The following NCKAP5 variants were observed in gnomAD, a reference collection of about 807,000 sequenced individuals.
NCKAP5 encodes the protein nck-associated protein 5.
A neutral mutation model predicts 167.0 loss-of-function variants in NCKAP5; 92 were observed. The observed-to-expected ratio is 0.55, with a 90% CI of 0.47 to 0.66. The LOEUF (loss-of-function observed/expected upper bound fraction) is 0.66, where lower values mean the gene tolerates loss of function less well. NCKAP5 is among the 30% of genes least tolerant of loss of function. NCKAP5 has a pLI of 0.00. For missense variants in NCKAP5, 2,378 were observed against 2,315.0 expected, an observed-to-expected ratio of 1.03 and a Z score of -0.56; for synonymous variants, 891 against 877.4, an observed-to-expected ratio of 1.02 and a Z score of -0.27.
At chr2:133,255,533 T>C (rs915629221) in intron 4 of NCKAP5, among the ~76,000 whole-genome samples, 14 of 152,038 alleles carry the variant, frequency 9.2e-5, no homozygotes, top group Non-Finnish European at 1.5e-5. Flanking sequence ...TGTGTACAAA[T>C]ACAGTCCTGA....
intron 3 of NCKAP5, among the ~76,000 whole-genome samples, chr2:133,495,330 G>A (rs1681847830): frequency 6.6e-6 from 1 of 152,098 alleles, no homozygotes; most frequent in Non-Finnish European, 1.5e-5. Context: ...ATTTTACAGA[G>A]TTTGACCTGT....
chr2:132,699,662 T>TC (rs1349094279), intron 19 of NCKAP5, among the ~76,000 whole-genome samples: 2 of 152,214 alleles, frequency 1.3e-5, no homozygotes, highest in African/African-American at 4.8e-5. Flanking sequence ...CATGAACTCA[T>TC]CCTTGTTTAT....
At chr2:133,422,727 G>A (rs1243582709) in intron 3 of NCKAP5, among the ~76,000 whole-genome samples, 1 of 152,130 alleles carries the variant, frequency 6.6e-6, no homozygotes, top group Non-Finnish European at 1.5e-5. Context: ...AATAGAGATA[G>A]ATATGCAGAA....
At chr2:133,592,266 A>G in the NCKAP5 span, among the ~76,000 whole-genome samples, 4 of 152,202 alleles carry the variant, frequency 2.6e-5, no homozygotes, top group Admixed American at 2.6e-4. Flanking sequence ...TTGCTTACAA[A>G]CTATGTCACT....
chr2:132,991,309 GA>G (rs1382137768), intron 7 of NCKAP5, among the ~76,000 whole-genome samples: 3 of 152,132 alleles, frequency 2.0e-5, no homozygotes, highest in Non-Finnish European at 4.4e-5. Flanking sequence ...GTGGTCACAT[GA>G]AAATGTTATT....
chr2:133,197,352 TAGAGCCAC>T (rs1414105995), intron 5 of NCKAP5, among the ~76,000 whole-genome samples: 3 of 152,186 alleles, frequency 2.0e-5, no homozygotes, highest in African/African-American at 7.2e-5. Context: ...CAGGTGATAT[TAGAGCCAC>T]AGCCCACAGA....
At chr2:132,988,662 C>T (rs2077366251) in intron 7 of NCKAP5, among the ~76,000 whole-genome samples, 1 of 152,192 alleles carries the variant, frequency 6.6e-6, no homozygotes, top group Non-Finnish European at 1.5e-5. Context: ...CCCCACCAGT[C>T]CCTCCTGTTT....
chr2:133,382,394 G>T (rs1686592240), intron 3 of NCKAP5, among the ~76,000 whole-genome samples: 1 of 152,082 alleles, frequency 6.6e-6, no homozygotes, highest in African/African-American at 2.4e-5. Flanking sequence ...AATCAGAATG[G>T]TATGCCACTC....
intron 3 of NCKAP5, among the ~76,000 whole-genome samples, chr2:133,434,731 G>C (rs1436762112): frequency 9.2e-5 from 14 of 152,198 alleles, no homozygotes; most frequent in Non-Finnish European, 2.1e-4. Context: ...CCAGCACATA[G>C]TAGGTGATTA....
intron 11 of NCKAP5, among the ~76,000 whole-genome samples, chr2:132,842,519 T>A (rs1416741701): frequency 2.6e-5 from 4 of 151,968 alleles, no homozygotes; most frequent in African/African-American, 9.7e-5. Context: ...ACTAAAGATA[T>A]TTGAGGATAT....
chr2:132,797,811 A>G (rs186768823), intron 11 of NCKAP5, among the ~76,000 whole-genome samples: 5 of 152,280 alleles, frequency 3.3e-5, no homozygotes, highest in Admixed American at 1.3e-4. Context: ...TACAAACTCC[A>G]CTAAAATGAG....
At chr2:133,125,880 T>C (rs1170680820) in intron 6 of NCKAP5, among the ~76,000 whole-genome samples, 1 of 152,164 alleles carries the variant, frequency 6.6e-6, no homozygotes, top group African/African-American at 2.4e-5. Flanking sequence ...ATTTGGACCA[T>C]TTCTGATCAT....
intron 12 of NCKAP5, 28 bp from the exon 13 acceptor site, chr2:132,790,233 G>C (rs900954613): frequency 1.5e-5 from 24 of 1,593,366 alleles, no homozygotes; most frequent in Non-Finnish European, 1.8e-5. Context: ...CTCTGAGCAA[G>C]GGCTTTGCTC....
intron 6 of NCKAP5, among the ~76,000 whole-genome samples, chr2:133,030,819 C>A (rs1385396064): frequency 1.3e-5 from 2 of 152,104 alleles, no homozygotes; most frequent in South Asian, 2.1e-4. Flanking sequence ...ATCAAGGTGT[C>A]AGTAGGGCCA....
intron 2 of NCKAP5, among the ~76,000 whole-genome samples, chr2:133,550,336 C>A (rs1016189238): frequency 1.0e-4 from 15 of 149,964 alleles, no homozygotes; most frequent in Admixed American, 7.9e-4. Context: ...AACATTGATG[C>A]AAAAATCCTC....
chr2:133,298,169 A>G (rs1680099468), intron 4 of NCKAP5, among the ~76,000 whole-genome samples: 1 of 152,216 alleles, frequency 6.6e-6, no homozygotes, highest in Non-Finnish European at 1.5e-5. Context: ...AAGTCAGTGA[A>G]GTCAGGATCT....
intron 3 of NCKAP5, among the ~76,000 whole-genome samples, chr2:133,403,242 C>T (rs190173962): frequency 6.6e-6 from 1 of 152,176 alleles, no homozygotes; most frequent in East Asian, 1.9e-4. Context: ...ATTCATTTTA[C>T]AAAGAAGTAA....
intron 8 of NCKAP5, among the ~76,000 whole-genome samples, chr2:132,923,020 T>C (rs914595558): frequency 1.3e-5 from 2 of 152,220 alleles, no homozygotes; most frequent in Non-Finnish European, 2.9e-5. Context: ...ACCTTTTTTT[T>C]AGCATCTCCT....
chr2:132,905,875 T>A (rs970462064), intron 8 of NCKAP5, among the ~76,000 whole-genome samples: 2 of 152,126 alleles, frequency 1.3e-5, no homozygotes, highest in African/African-American at 4.8e-5. Context: ...TGCAAATATT[T>A]TTTTCCTTCT....
Sources: gnomAD v4.1 joint callset for allele counts (sites outside exome capture counted in the v4.1 genomes callset) on GRCh38, gnomAD v4.1.1 for gene constraint, MANE v1.5 for transcripts, NCBI Gene and HGNC (gene_info 2026-07-23, HGNC 2026-07-21) for gene names.